NTM: variants seen among roughly 807,000 people sequenced by gnomAD.
The protein encoded by NTM is neurotrimin.
Under a neutral mutation model 42.1 loss-of-function variants are expected in NTM, and 13 were observed. The ratio of observed to expected loss-of-function variants is 0.31; its 90% CI spans 0.20 to 0.49. The LOEUF is 0.49. Ranked by LOEUF, NTM falls within the 20% of genes least tolerant of loss-of-function variation. NTM has a pLI of 0.99. For missense variants in NTM, 373 were observed against 452.8 expected, an observed-to-expected ratio of 0.82 and a Z score of 1.60; for synonymous variants, 187 against 179.2, an observed-to-expected ratio of 1.04 and a Z score of -0.35.
At chr11:131,391,270 C>T (rs375423247) in intron 1 of NTM, among the ~76,000 whole-genome samples, 9 of 152,142 alleles carry the variant, frequency 5.9e-5, no homozygotes, top group Admixed American at 1.3e-4. Flanking sequence ...GCAGCCTCTC[C>T]GCCACATACT....
intron 4 of NTM, 78 bp downstream of exon 4, chr11:132,212,225 C>T: frequency 1.7e-6 from 2 of 1,151,104 alleles, no homozygotes; most frequent in Non-Finnish European, 2.5e-6. Context: ...GTTATGGGTG[C>T]TGATACCTAC....
At chr11:131,375,971 T>C (rs1941921348) in intron 1 of NTM, among the ~76,000 whole-genome samples, 1 of 152,166 alleles carries the variant, frequency 6.6e-6, no homozygotes, top group South Asian at 2.1e-4. Flanking sequence ...TTCTTCACCT[T>C]CTCTTTTTCT....
chr11:132,180,052 T>C lies in NTM; in HGVS notation c.401-31970T>C, dbSNP rs541371294. Among the ~76,000 whole-genome samples, 5 of 152,324 alleles carry C rather than the reference T, an allele frequency of 3.3e-5. No homozygotes were observed. The East Asian group carries it at 9.6e-4, about 29-fold the overall frequency. ...AAATCATCACCGTTTCTTAAATCTC[T>C]TTAAAGGCCTATGGGAACCCCGTTT... On this transcript the variant is annotated intron_variant, in intron 3 of 8. Coordinates refer to ENST00000683400, the MANE Select transcript of NTM (RefSeq NM_001352005.2).
intron 4 of NTM, among the ~76,000 whole-genome samples, chr11:132,242,214 T>C (rs1010454527): frequency 2.0e-5 from 3 of 152,224 alleles, no homozygotes; most frequent in Admixed American, 2.0e-4. Context: ...GAAGTCAAGC[T>C]GTCTTGATTT....
At chr11:131,720,873 G>A (rs1286462811) in intron 1 of NTM, among the ~76,000 whole-genome samples, 1 of 152,076 alleles carries the variant, frequency 6.6e-6, no homozygotes, top group East Asian at 1.9e-4. Context: ...TAATGATAAG[G>A]ACTTACCAGG....
chr11:131,967,090 T>C (rs949518941), intron 2 of NTM, among the ~76,000 whole-genome samples: 2 of 152,160 alleles, frequency 1.3e-5, no homozygotes, highest in Non-Finnish European at 2.9e-5. Flanking sequence ...TCAGGAGTTA[T>C]GTTGTCCACA....
At chr11:132,156,426 C>T (rs547095994) in intron 3 of NTM, among the ~76,000 whole-genome samples, 1 of 152,308 alleles carries the variant, frequency 6.6e-6, no homozygotes, top group Non-Finnish European at 1.5e-5. Context: ...AGAACTTTCC[C>T]AGACCTGCTA....
chr11:132,079,890 T>A (rs2058816067), intron 2 of NTM, among the ~76,000 whole-genome samples: 1 of 152,224 alleles, frequency 6.6e-6, no homozygotes, highest in Non-Finnish European at 1.5e-5. Context: ...TAAGTTTTCC[T>A]TTGCTTGAAC....
At chr11:131,789,543 AAGAAAAGAAG>A (rs2090248769) in intron 1 of NTM, among the ~76,000 whole-genome samples, 2 of 25,280 alleles carry the variant, frequency 7.9e-5, no homozygotes, top group East Asian at 1.5e-3. Context: ...GAAGAAGAAG[AAGAAAAGAAG>A]AAGAAGAAGA....
At chr11:132,285,154 C>T (rs1448827630) in intron 4 of NTM, 1 of 152,602 alleles carries the variant, frequency 6.6e-6, no homozygotes, top group Non-Finnish European at 1.5e-5. Context: ...CTCCCCCTCT[C>T]TCAAGGGGCA....
intron 4 of NTM, among the ~76,000 whole-genome samples, chr11:132,273,309 G>GTTTTTTTTTTTTTT (rs57877862): frequency 1.8e-5 from 1 of 55,672 alleles, no homozygotes. Context: ...GTTGACTAGT[G>GTTTTTTTTTTTTTT]TTTTTTTTTT....
chr11:132,332,856 A>G (rs977265728), intron 8 of NTM: 1 of 152,084 alleles, frequency 6.6e-6, no homozygotes, highest in Non-Finnish European at 1.5e-5. Context: ...GCAAGGAGGG[A>G]GTTCAGAAGA....
intron 1 of NTM, among the ~76,000 whole-genome samples, chr11:131,509,651 C>T (rs890269136): frequency 1.3e-5 from 2 of 152,220 alleles, no homozygotes; most frequent in African/African-American, 4.8e-5. Context: ...CGTTAAAAAT[C>T]TAAGTGATTT....
intron 1 of NTM, among the ~76,000 whole-genome samples, chr11:131,862,500 T>C (rs977231729): frequency 6.6e-6 from 1 of 152,220 alleles, no homozygotes; most frequent in Non-Finnish European, 1.5e-5. Flanking sequence ...AGTACTAATC[T>C]TGAGAATGAA....
chr11:131,539,609 C>G (rs967704422), intron 1 of NTM: 1 of 152,184 alleles, frequency 6.6e-6, no homozygotes, highest in African/African-American at 2.4e-5. Flanking sequence ...GAGGTAAGAC[C>G]TGAATGACAA....
intron 6 of NTM, among the ~76,000 whole-genome samples, chr11:132,311,599 G>A (rs1039152722): frequency 6.6e-6 from 1 of 152,062 alleles, no homozygotes; most frequent in Non-Finnish European, 1.5e-5. Flanking sequence ...CCTTCTTATT[G>A]TACTAAGAAG....
intron 1 of NTM, among the ~76,000 whole-genome samples, chr11:131,712,164 T>TAAAAAAATTAAAA (rs2077230408): frequency 1.5e-5 from 2 of 135,948 alleles, no homozygotes; most frequent in African/African-American, 5.7e-5. Flanking sequence ...AAAATAAAAA[T>TAAAAAAATTAAAA]TAAAAAATTA....
chr11:131,768,512 T>A (rs115627212), intron 1 of NTM, among the ~76,000 whole-genome samples: 1,607 of 152,264 alleles, frequency 0.011, 28 homozygotes, highest in African/African-American at 0.037. Flanking sequence ...GATCCATACA[T>A]CAGGGTGAAA....
chr11:132,013,620 A>G (rs1339114105), intron 2 of NTM, among the ~76,000 whole-genome samples: 1 of 152,160 alleles, frequency 6.6e-6, no homozygotes, highest in Non-Finnish European at 1.5e-5. Flanking sequence ...CTGAATGTTT[A>G]TGACTTCAAG....
Sources: gnomAD v4.1 joint callset for allele counts (sites outside exome capture counted in the v4.1 genomes callset) on GRCh38, gnomAD v4.1.1 for gene constraint, MANE v1.5 for transcripts, NCBI Gene and HGNC (gene_info 2026-07-23, HGNC 2026-07-21) for gene names.